Variants in RPS14 observed in about 807,000 individuals in gnomAD.
The protein encoded by RPS14 is ribosomal protein S14.
Under a neutral mutation model 15.4 loss-of-function variants are expected in RPS14, and 1 was observed. The observed-to-expected ratio is 0.07, with a 90% CI of 0.02 to 0.31. RPS14 has a LOEUF of 0.31. Ranked by LOEUF, RPS14 falls within the 10% of genes least tolerant of loss-of-function variation. The pLI is 1.00. For synonymous variants in RPS14, 68 were observed against 74.4 expected, an observed-to-expected ratio of 0.91 and a Z score of 0.44; for missense variants, 69 against 205.5, an observed-to-expected ratio of 0.34 and a Z score of 4.06.
In RPS14 at chr5:150,444,214, G is replaced by T; in HGVS notation, c.*72C>A. 1 of 1,542,276 alleles carries T rather than the reference G, an allele frequency of 6.5e-7. No homozygotes were observed. On this transcript the variant is annotated 3_prime_UTR_variant, in exon 5 of 5. Transcript: ENST00000407193. ...AATGCCTGAGTAGCCCCTGATGAAGGAGAGAAGGCTGGAGTTGAAACAGTT... is the reference window on the plus strand; with the variant it reads ...AATGCCTGAGTAGCCCCTGATGAAGTAGAGAAGGCTGGAGTTGAAACAGTT...
chr5:150,446,766 T>A lies in RPS14; in HGVS notation c.311+36A>T. On this transcript the variant is annotated intron_variant, in intron 3 of 4. Transcript: ENST00000407193. The surrounding 1 kb of genome is among the most constrained non-coding windows in gnomAD (Gnocchi z 4.2). ...GCTCCAGCACCCAAGCCCAGCAGGT[T>A]TTCTACCACCCAGCCATCCCCTCTG... 1 of 1,601,124 alleles carries A rather than the reference T, an allele frequency of 6.2e-7. No homozygotes were observed. Among genetic ancestry groups the A allele is most frequent in the South Asian group, 1.1e-5 (1 of 89,476 alleles).
rs1351332013 is a variant in RPS14, at chr5:150,444,031, T to G, written c.*255A>C. On this transcript the variant is annotated 3_prime_UTR_variant, in exon 5 of 5. Transcript: ENST00000407193. ...TTGGTCCATATTTAGAACCAGCATCTCCACTCAAAACGAGGTCTCCAACGC... is the reference window on the plus strand; with the variant it reads ...TTGGTCCATATTTAGAACCAGCATCGCCACTCAAAACGAGGTCTCCAACGC... 2 of 308,666 alleles carry G rather than the reference T, an allele frequency of 6.5e-6. No individual in the cohort carries two copies. Among genetic ancestry groups the G allele is most frequent in the Non-Finnish European group, 1.2e-5 (2 of 166,776 alleles). 19.1% of individuals were successfully genotyped at this position (308,666 alleles called of 1,614,324 possible). A position where few individuals can be genotyped will look rare whatever the true frequency, so the allele number is the denominator to read the frequency against.
At chr5:150,447,414 C>A in intron 2 of RPS14, 171 bp downstream of exon 2, 3 of 696,854 alleles carry the variant, frequency 4.3e-6, no homozygotes, top group Non-Finnish European at 5.1e-6. Flanking sequence ...TGTCTCCTCT[C>A]TTGTAACCCC....
At chr5:150,447,778 T>C (rs1230569740) in intron 1 of RPS14, 43 bp from the exon 2 acceptor site, 4 of 1,598,076 alleles carry the variant, frequency 2.5e-6, no homozygotes, top group African/African-American at 1.3e-5. Context: ...AGACAAAACA[T>C]TTCCAGAATC....
In RPS14 at chr5:150,446,942, A is replaced by G; in HGVS notation, c.171T>C (p.Thr57=). The G allele has an allele frequency of 6.2e-7, 1 of 1,614,174 alleles. No individual in the cohort carries two copies. The highest frequency in any genetic ancestry group is 8.5e-7 in the Non-Finnish European group (1 of 1,180,034). ...LSGKETICRV[T]GGMKVKADRD... is the part of the protein sequence containing the mutation. ...GGTCTGCCTTTACCTTCATCCCACC[A>G]GTCACACGGCAGATGGTTTCCCTGG... Residue 57 remains threonine, a synonymous_variant, in exon 3 of 5, where the codon ACT becomes ACC. Coordinates refer to ENST00000407193, the MANE Select transcript of RPS14 (RefSeq NM_005617.4). The surrounding 1 kb of genome is among the most constrained non-coding windows in gnomAD (Gnocchi z 4.2).
rs1771073598 is a variant in RPS14 at position 150,445,692 on chromosome 5, A to G, written c.312-7T>C. On this transcript the variant is annotated splice_region_variant and splice_polypyrimidine_tract_variant and intron_variant, in intron 3 of 4. Transcript: ENST00000407193. ...AGGTCCAGGGGTCTTGGTCCTAGAAAATGAAGGTTTAAGTTAAGAAGAGCC... is the reference window on the plus strand; with the variant it reads ...AGGTCCAGGGGTCTTGGTCCTAGAAGATGAAGGTTTAAGTTAAGAAGAGCC... 1 of 1,604,902 alleles carries G rather than the reference A, an allele frequency of 6.2e-7. No individual in the cohort carries two copies. Among genetic ancestry groups the G allele is most frequent in the Non-Finnish European group, 8.5e-7 (1 of 1,177,042 alleles).
Position 150,445,629 on chromosome 5 carries a change from C to T in RPS14, c.368G>A (p.Gly123Asp). 6.2e-7 allele frequency: 1 copy of T among 1,613,014 alleles called. No homozygotes were observed. Among genetic ancestry groups the T allele is most frequent in the Non-Finnish European group, 8.5e-7 (1 of 1,179,754 alleles). Residue 123 changes from glycine to aspartate, a missense_variant, in exon 4 of 5, where the codon GGT (glycine) becomes GAT (aspartate). Transcript: ENST00000407193. ...QSALRALARS[G>D]MKIGRIEDVT... is the part of the protein sequence containing the mutation. ...CTTACCAATCCGCCCGATCTTCATA[C>T]CCGAGCGGGCAAGGGCTCTGAGGGC...
chr5:150,445,178 G>C (rs531818283), intron 4 of RPS14, among the ~76,000 whole-genome samples: 4 of 152,148 alleles, frequency 2.6e-5, no homozygotes, highest in Non-Finnish European at 5.9e-5. Flanking sequence ...AGGCCTGAGG[G>C]TATTAATAAC....
At position 150,446,553 on chromosome 5, in the gene RPS14, G is replaced by C. The variant is rs1771103294; in HGVS notation, c.311+249C>G. On this transcript the variant is annotated intron_variant, in intron 3 of 4. Coordinates refer to ENST00000407193, the MANE Select transcript of RPS14 (RefSeq NM_005617.4). This position sits in a 1 kb window ranked among gnomAD's most constrained non-coding sequence, Gnocchi z 4.2. ...TCCCACCAGCCTCGGTCCCACACAAGGAGGGTAGAGACCATGTCTGTTTCC... is the reference window on the plus strand; with the variant it reads ...TCCCACCAGCCTCGGTCCCACACAACGAGGGTAGAGACCATGTCTGTTTCC... Among the ~76,000 whole-genome samples the C allele has an allele frequency of 6.6e-6, 1 of 152,166 alleles. No individual in the cohort carries two copies. Among genetic ancestry groups the C allele is most frequent in the Admixed American group, 6.5e-5 (1 of 15,270 alleles).
intron 4 of RPS14, chr5:150,444,724 A>T (rs923548239): frequency 2.2e-6 from 1 of 461,152 alleles, no homozygotes; most frequent in African/African-American, 2.0e-5. Flanking sequence ...AAAAGTCTGA[A>T]AAAATCTTTT....
In RPS14 at chr5:150,445,700, TTTAAG is replaced by T. The variant is rs1561567634; in HGVS notation, c.312-20_312-16del. 19 of 1,600,382 alleles carry T rather than the reference TTTAAG, an allele frequency of 1.2e-5. No homozygotes were observed. The highest frequency in any genetic ancestry group is 1.4e-5 in the Non-Finnish European group (17 of 1,173,280). On this transcript the variant is annotated splice_polypyrimidine_tract_variant and intron_variant, in intron 3 of 4. Transcript: ENST00000407193. Reference sequence around the variant, plus strand: ...GGGTCTTGGTCCTAGAAAATGAAGGTTTAAGTTAAGAAGAGCCTTTGGCCAAGTCA... The same window carrying T: ...GGGTCTTGGTCCTAGAAAATGAAGGTTTAAGAAGAGCCTTTGGCCAAGTCA...
intron 3 of RPS14, among the ~76,000 whole-genome samples, chr5:150,445,989 G>C (rs1771081884): frequency 6.6e-6 from 1 of 152,158 alleles, no homozygotes; most frequent in South Asian, 2.1e-4. Flanking sequence ...CTACTCGGGA[G>C]GCTGAGGTGG....
At position 150,446,679 on chromosome 5, in the gene RPS14, T is replaced by C; in HGVS notation, c.311+123A>G. Reference sequence around the variant, plus strand: ...GTACACAGGAGCCAATTATTAAGTATGTATATGCCTAAAATATCTTGTTCA... The same window carrying C: ...GTACACAGGAGCCAATTATTAAGTACGTATATGCCTAAAATATCTTGTTCA... On this transcript the variant is annotated intron_variant, in intron 3 of 4. Transcript: ENST00000407193. The surrounding 1 kb of genome is among the most constrained non-coding windows in gnomAD (Gnocchi z 4.2). 1 of 1,029,408 alleles carries C rather than the reference T, an allele frequency of 9.7e-7. No homozygotes were observed. Among genetic ancestry groups the C allele is most frequent in the Non-Finnish European group, 1.4e-6 (1 of 691,792 alleles). The allele number at this position is 1,029,408 out of a possible 1,614,324, so 63.8% of individuals were successfully genotyped here.
At chr5:150,444,999 C>G (rs1046471806) in intron 4 of RPS14, among the ~76,000 whole-genome samples, 9 of 152,200 alleles carry the variant, frequency 5.9e-5, no homozygotes, top group African/African-American at 2.2e-4. Context: ...TTCCAGCCCA[C>G]GCAACAGAGC....
At position 150,443,359 on chromosome 5, in the gene RPS14, T is replaced by C. The variant is rs3900644; in HGVS notation, c.*927A>G. 1 of 151,832 alleles carries C rather than the reference T, an allele frequency of 6.6e-6. No homozygotes were observed. The highest frequency in any genetic ancestry group is 1.5e-5 in the Non-Finnish European group (1 of 67,898). The allele number at this position is 151,832 out of a possible 1,614,324, so 9.4% of individuals were successfully genotyped here. A position where few individuals can be genotyped will look rare whatever the true frequency, so the allele number is the denominator to read the frequency against. On this transcript the variant is annotated 3_prime_UTR_variant, in exon 5 of 5. Coordinates refer to ENST00000407193, the MANE Select transcript of RPS14 (RefSeq NM_005617.4). ...ATCAGGTTAAGATTCAATGTTGTTA[T>C]TAAAATCCCTAGCAAGGTTTGGCAT...
rs1453208529 is a variant in RPS14 at position 150,443,827 on chromosome 5, C to G, written c.*459G>C. On this transcript the variant is annotated 3_prime_UTR_variant, in exon 5 of 5. Coordinates refer to ENST00000407193, the MANE Select transcript of RPS14 (RefSeq NM_005617.4). ...TTTATGTACTGATGTGGAACAATCT[C>G]CAAGATCTGCCAAGTGAAAAAAAGC... 1 of 152,568 alleles carries G rather than the reference C, an allele frequency of 6.6e-6. No homozygotes were observed. Among genetic ancestry groups the G allele is most frequent in the Non-Finnish European group, 1.5e-5 (1 of 68,364 alleles). The allele number at this position is 152,568 out of a possible 1,614,324, so 9.5% of individuals were successfully genotyped here.
chr5:150,446,747 GCACCCAAGCCCAGCAGGTTTTCTAC>G lies in RPS14; in HGVS notation c.311+30_311+54del, dbSNP rs1771110433. The G allele has an allele frequency of 1.2e-5, 19 of 1,577,126 alleles. No individual in the cohort carries two copies. The South Asian group carries it at 2.1e-4, about 17-fold the overall frequency. ...CCAAACCTCAAATCCAGGTGCTCCA[GCACCCAAGCCCAGCAGGTTTTCTAC>G]CACCCAGCCATCCCCTCTGCGACTC... On this transcript the variant is annotated intron_variant, in intron 3 of 4. Coordinates refer to ENST00000407193, the MANE Select transcript of RPS14 (RefSeq NM_005617.4). The surrounding 1 kb of genome is among the most constrained non-coding windows in gnomAD (Gnocchi z 4.2).
At chr5:150,449,255 T>A (rs562171262) in intron 1 of RPS14, 1 of 152,374 alleles carries the variant, frequency 6.6e-6, no homozygotes, top group Non-Finnish European at 1.5e-5. Flanking sequence ...CTTCTTTGAA[T>A]GATCACTACA....
intron 1 of RPS14, chr5:150,447,955 T>G (rs1004478195): frequency 1.9e-6 from 1 of 520,738 alleles, no homozygotes; most frequent in African/African-American, 1.9e-5. Context: ...ATGAGAAGTA[T>G]CCTTTCCCCA....
Sources: gnomAD v4.1 joint callset for allele counts (sites outside exome capture counted in the v4.1 genomes callset) on GRCh38, gnomAD v4.1.1 for gene constraint, Gnocchi (gnomAD v3.1) non-coding constraint, MANE v1.5 for transcripts, NCBI Gene and HGNC (gene_info 2026-07-23, HGNC 2026-07-21) for gene names.